CACHD1: variants seen among roughly 807,000 people sequenced by gnomAD.
The protein encoded by CACHD1 is cache domain containing 1.
Under a neutral mutation model 138.7 loss-of-function variants are expected in CACHD1, and 71 were observed. That is an observed-to-expected ratio of 0.51 (90% CI 0.42 to 0.62). The LOEUF is 0.62. Among genes scored for constraint, CACHD1 ranks in the 20% least tolerant of loss-of-function variants. The probability of loss-of-function intolerance (pLI) is 0.00; values close to 1 mark genes in which losing one functional copy is unlikely to be tolerated. For missense variants in CACHD1, 1,389 were observed against 1,625.3 expected (o/e 0.85, Z 2.50); for synonymous variants, 578 against 591.5 (o/e 0.98, Z 0.33).
chr1:64,497,603 A>C (rs534454831), intron 1 of CACHD1, among the ~76,000 whole-genome samples: 1 of 152,330 alleles, frequency 6.6e-6, no homozygotes, highest in Admixed American at 6.5e-5. Context: ...ATCAGCAGGC[A>C]TTAAACCCTG....
At chr1:64,602,045 C>G (rs1362746799) in intron 3 of CACHD1, among the ~76,000 whole-genome samples, 8 of 152,142 alleles carry the variant, frequency 5.3e-5, no homozygotes, top group Non-Finnish European at 8.8e-5. Context: ...GTTGCTATAG[C>G]AATGGATCAT....
chr1:64,681,547 T>TTTTTTTTG (rs1557555792), intron 25 of CACHD1, among the ~76,000 whole-genome samples: 27 of 114,500 alleles, frequency 2.4e-4, no homozygotes, highest in African/African-American at 7.2e-4. Context: ...TTGTGTTTTT[T>TTTTTTTTG]TTTTTTTTTT....
At chr1:64,679,780 G>A in intron 24 of CACHD1, 24 bp downstream of exon 24, 1 of 1,611,002 alleles carries the variant, frequency 6.2e-7, no homozygotes, top group Non-Finnish European at 8.5e-7. Context: ...GAACCCCACA[G>A]GGGAGGCAGC....
intron 2 of CACHD1, among the ~76,000 whole-genome samples, chr1:64,558,982 A>G (rs1646818713): frequency 6.6e-6 from 1 of 152,240 alleles, no homozygotes; most frequent in Non-Finnish European, 1.5e-5. Context: ...TATCATCAAA[A>G]AAGCCAAAAA....
At chr1:64,684,326 T>A (rs1250696214) in intron 26 of CACHD1, among the ~76,000 whole-genome samples, 3 of 151,368 alleles carry the variant, frequency 2.0e-5, no homozygotes, top group Non-Finnish European at 4.4e-5. Context: ...TTAGTCATAT[T>A]CGTGGATTTT....
At chr1:64,653,904 A>G in intron 11 of CACHD1, 23 bp downstream of exon 11, 1 of 1,608,638 alleles carries the variant, frequency 6.2e-7, no homozygotes, top group South Asian at 1.1e-5. Flanking sequence ...TGAGGGTCAT[A>G]GGATTGTTTT....
intron 4 of CACHD1, among the ~76,000 whole-genome samples, chr1:64,619,212 G>T (rs1039703266): frequency 3.9e-5 from 6 of 152,152 alleles, no homozygotes; most frequent in African/African-American, 1.4e-4. Flanking sequence ...CCATCTGTTA[G>T]AATTATTCAT....
intron 9 of CACHD1, among the ~76,000 whole-genome samples, chr1:64,650,169 C>T (rs1428831558): frequency 6.6e-6 from 1 of 152,142 alleles, no homozygotes; most frequent in East Asian, 1.9e-4. Flanking sequence ...TCTTCTGTCC[C>T]AGTTGATAAT....
chr1:64,591,701 AC>A (rs1557509261), intron 3 of CACHD1, among the ~76,000 whole-genome samples: 2 of 152,218 alleles, frequency 1.3e-5, no homozygotes, highest in Non-Finnish European at 2.9e-5. Flanking sequence ...AGTAACTAGA[AC>A]CTGATTTCAT....
intron 1 of CACHD1, among the ~76,000 whole-genome samples, chr1:64,545,157 G>A (rs1447926175): frequency 6.6e-6 from 1 of 152,124 alleles, no homozygotes; most frequent in Non-Finnish European, 1.5e-5. Flanking sequence ...AAACATTTGT[G>A]TATTTACAAA....
chr1:64,568,777 C>T (rs1247162638), intron 2 of CACHD1, among the ~76,000 whole-genome samples: 3 of 152,140 alleles, frequency 2.0e-5, no homozygotes, highest in Non-Finnish European at 4.4e-5. Context: ...TACATACACT[C>T]ATGCACACAC....
At chr1:64,613,766 T>C (rs1454513613) in intron 4 of CACHD1, among the ~76,000 whole-genome samples, 2 of 152,212 alleles carry the variant, frequency 1.3e-5, no homozygotes, top group Non-Finnish European at 2.9e-5. Context: ...TGTCCCCACA[T>C]ATCCTCTCTT....
intron 23 of CACHD1, among the ~76,000 whole-genome samples, chr1:64,679,192 G>A (rs771776200): frequency 6.6e-5 from 10 of 152,106 alleles, no homozygotes; most frequent in Non-Finnish European, 1.0e-4. Context: ...TCCGGTTAGC[G>A]CATATTTATT....
At chr1:64,555,560 A>G (rs1284422796) in intron 2 of CACHD1, among the ~76,000 whole-genome samples, 3 of 152,122 alleles carry the variant, frequency 2.0e-5, no homozygotes, top group Non-Finnish European at 4.4e-5. Context: ...AGCCGGGACT[A>G]CAGGAGTCCA....
At chr1:64,609,654 T>C (rs1298316319) in intron 4 of CACHD1, among the ~76,000 whole-genome samples, 2 of 152,166 alleles carry the variant, frequency 1.3e-5, no homozygotes, top group Non-Finnish European at 2.9e-5. Context: ...CTGGCATATA[T>C]ACATATATAC....
At chr1:64,635,556 G>C (rs1648496127) in intron 7 of CACHD1, among the ~76,000 whole-genome samples, 1 of 151,004 alleles carries the variant, frequency 6.6e-6, no homozygotes, top group African/African-American at 2.4e-5. Context: ...GCTAATTTTT[G>C]TATTTTAAGT....
rs558190266 is a variant in CACHD1, at chr1:64,622,508, A to G, written c.518-6847A>G. Among the ~76,000 whole-genome samples, 14 of 152,360 alleles carry G rather than the reference A, an allele frequency of 9.2e-5. No individual in the cohort carries two copies. The South Asian group carries it at 2.9e-3, about 32-fold the overall frequency. On this transcript the variant is annotated intron_variant, in intron 4 of 26. Coordinates refer to ENST00000651257, the MANE Select transcript of CACHD1 (RefSeq NM_020925.4). ...GCTTAATTGTACTTATTTACATTGT[A>G]TGTACAAACTAATAAATCTGTTATT...
chr1:64,686,841 C>T (rs1397777994), intron 26 of CACHD1, among the ~76,000 whole-genome samples: 3 of 152,096 alleles, frequency 2.0e-5, no homozygotes, highest in Non-Finnish European at 4.4e-5. Flanking sequence ...ACCTTAAAAA[C>T]CTGGTCAAAA....
chr1:64,491,950 T>C (rs898406077), intron 1 of CACHD1, among the ~76,000 whole-genome samples: 1 of 152,010 alleles, frequency 6.6e-6, no homozygotes, highest in Admixed American at 6.5e-5. Flanking sequence ...TTTTTGTTTT[T>C]TTTTTATTAA....
Sources: gnomAD v4.1 joint callset for allele counts (sites outside exome capture counted in the v4.1 genomes callset) on GRCh38, gnomAD v4.1.1 for gene constraint, MANE v1.5 for transcripts, NCBI Gene and HGNC (gene_info 2026-07-23, HGNC 2026-07-21) for gene names.